CTNNBL1: variants seen among roughly 807,000 people sequenced by gnomAD.
CTNNBL1 encodes the protein beta-catenin-like protein 1.
A neutral mutation model predicts 72.7 loss-of-function variants in CTNNBL1; 31 were observed. That is an observed-to-expected ratio of 0.43 (90% CI 0.32 to 0.58). The LOEUF is 0.58. Among genes scored for constraint, CTNNBL1 ranks in the 20% least tolerant of loss-of-function variants. The pLI is 0.08. For synonymous variants in CTNNBL1, 240 were observed against 267.3 expected, an observed-to-expected ratio of 0.90 and a Z score of 1.00; for missense variants, 534 against 725.1, an observed-to-expected ratio of 0.74 and a Z score of 3.03.
chr20:37,830,949 A>T (rs146707741), intron 11 of CTNNBL1, among the ~76,000 whole-genome samples: 1 of 152,210 alleles, frequency 6.6e-6, no homozygotes, highest in African/African-American at 2.4e-5. Context: ...TCGTAAAGAC[A>T]AAAAATAAGT....
At chr20:37,810,171 T>C (rs2071997146) in intron 11 of CTNNBL1, among the ~76,000 whole-genome samples, 1 of 152,158 alleles carries the variant, frequency 6.6e-6, no homozygotes, top group Non-Finnish European at 1.5e-5. Context: ...CTACATAATG[T>C]ATAAAGAAAA....
At position 37,826,857 on chromosome 20, in the gene CTNNBL1, G is replaced by A. The variant is rs947649750; in HGVS notation, c.1214-13245G>A. Among the ~76,000 whole-genome samples the A allele has an allele frequency of 9.2e-5, 14 of 152,236 alleles. No homozygotes were observed. The South Asian group carries it at 1.0e-3, about 11-fold the overall frequency. ...CATGAATATAAATTAACTGAGTGTC[G>A]TATGTATAATACGTATTTTTAAATA... On this transcript the variant is annotated intron_variant, in intron 11 of 15. Coordinates refer to ENST00000361383, the MANE Select transcript of CTNNBL1 (RefSeq NM_030877.5).
intron 10 of CTNNBL1, among the ~76,000 whole-genome samples, chr20:37,800,970 T>G (rs1045328791): frequency 6.6e-6 from 1 of 152,238 alleles, no homozygotes; most frequent in Non-Finnish European, 1.5e-5. Context: ...ACAATGTTAC[T>G]CCTTAGGAGG....
intron 11 of CTNNBL1, among the ~76,000 whole-genome samples, chr20:37,835,924 A>G (rs1350233151): frequency 6.6e-6 from 1 of 152,240 alleles, no homozygotes; most frequent in South Asian, 2.1e-4. Flanking sequence ...TACACAAGGT[A>G]CCTTGTAGTT....
chr20:37,735,275 C>T (rs2073162157), intron 2 of CTNNBL1, among the ~76,000 whole-genome samples: 1 of 152,116 alleles, frequency 6.6e-6, no homozygotes, highest in African/African-American at 2.4e-5. Context: ...CTGCTGTGTG[C>T]CAGACACTGG....
intron 1 of CTNNBL1, among the ~76,000 whole-genome samples, chr20:37,698,765 G>A (rs935509564): frequency 1.3e-5 from 2 of 152,310 alleles, no homozygotes; most frequent in African/African-American, 4.8e-5. Flanking sequence ...GTTCTTTGAG[G>A]CCAAGCGTGG....
At chr20:37,814,261 G>C (rs947976466) in intron 11 of CTNNBL1, among the ~76,000 whole-genome samples, 3 of 152,286 alleles carry the variant, frequency 2.0e-5, no homozygotes, top group South Asian at 2.1e-4. Flanking sequence ...AATTTAAACT[G>C]TTTGGTGTCT....
intron 15 of CTNNBL1, among the ~76,000 whole-genome samples, chr20:37,862,146 C>T (rs1347181323): frequency 6.6e-6 from 1 of 152,086 alleles, no homozygotes; most frequent in Non-Finnish European, 1.5e-5. Flanking sequence ...TCATGCCTTC[C>T]GGGGTGACAC....
chr20:37,828,651 C>T (rs78449079), intron 11 of CTNNBL1, among the ~76,000 whole-genome samples: 407 of 152,318 alleles, frequency 2.7e-3, no homozygotes, highest in African/African-American at 9.3e-3. Context: ...TCGATGTGGC[C>T]TCTTGGAGTT....
chr20:37,746,000 G>A (rs2073258645), intron 3 of CTNNBL1, among the ~76,000 whole-genome samples: 1 of 152,148 alleles, frequency 6.6e-6, no homozygotes, highest in African/African-American at 2.4e-5. Flanking sequence ...GGAAGAGGGA[G>A]GGCATTTTTG....
At chr20:37,846,096 A>G (rs73904786) in intron 13 of CTNNBL1, among the ~76,000 whole-genome samples, 1,598 of 152,322 alleles carry the variant, frequency 0.01, 24 homozygotes, top group African/African-American at 0.037. Context: ...AAGTGCCAAG[A>G]AAAGAATGGG....
At chr20:37,846,866 AAG>A in intron 13 of CTNNBL1, among the ~76,000 whole-genome samples, 1 of 152,254 alleles carries the variant, frequency 6.6e-6, no homozygotes, top group African/African-American at 2.4e-5. Context: ...TACCATTTGT[AAG>A]AGAGCCCTAT....
chr20:37,837,982 A>G (rs2072269675), intron 11 of CTNNBL1, among the ~76,000 whole-genome samples: 1 of 152,256 alleles, frequency 6.6e-6, no homozygotes, highest in South Asian at 2.1e-4. Flanking sequence ...TAAAGCAGAT[A>G]AGACTTGAGA....
intron 1 of CTNNBL1, among the ~76,000 whole-genome samples, chr20:37,713,615 C>T (rs1322290422): frequency 6.6e-6 from 1 of 152,180 alleles, no homozygotes. Flanking sequence ...GGGTGTGCAG[C>T]TGGCCTTGAG....
intron 10 of CTNNBL1, 70 bp downstream of exon 10, chr20:37,779,405 G>A (rs2073606301): frequency 1.3e-6 from 2 of 1,542,218 alleles, no homozygotes; most frequent in Non-Finnish European, 1.8e-6. Context: ...GAATTCAAGA[G>A]CATGTAGCTA....
chr20:37,862,285 A>G (rs1350960655), intron 15 of CTNNBL1, among the ~76,000 whole-genome samples: 1 of 152,036 alleles, frequency 6.6e-6, no homozygotes, highest in Non-Finnish European at 1.5e-5. Context: ...ATTTACTTCT[A>G]ATGCCCACAT....
At chr20:37,771,824 A>G (rs2073527061) in intron 7 of CTNNBL1, among the ~76,000 whole-genome samples, 1 of 152,180 alleles carries the variant, frequency 6.6e-6, no homozygotes, top group Non-Finnish European at 1.5e-5. Context: ...AGACCTATCG[A>G]TATTAAGTGC....
At chr20:37,718,438 C>T (rs370752944) in intron 1 of CTNNBL1, among the ~76,000 whole-genome samples, 31,157 of 125,312 alleles carry the variant, frequency 0.25, 4,013 homozygotes, top group Non-Finnish European at 0.34. Flanking sequence ...CCCTCCCGGA[C>T]GGGGTGGCTG....
chr20:37,868,293 CT>C (rs34129953), intron 15 of CTNNBL1, among the ~76,000 whole-genome samples: 110,605 of 148,648 alleles, frequency 0.74, 41,050 homozygotes, highest in East Asian at 0.85. Context: ...TTTTAGGGGC[CT>C]TTTTTTTTTT....
Sources: allele counts gnomAD v4.1 joint callset (sites outside exome capture counted in the v4.1 genomes callset), GRCh38; gene constraint gnomAD v4.1.1; transcripts MANE v1.5; gene names NCBI Gene and HGNC (gene_info 2026-07-23, HGNC 2026-07-21).